ZMAT4: variants seen among roughly 807,000 people sequenced by gnomAD.
ZMAT4 encodes the protein zinc finger matrin-type 4, also known as zinc finger matrin-type protein 4.
In ZMAT4, 17 loss-of-function variants were observed where a neutral mutation model predicts 28.7. That is an observed-to-expected ratio of 0.59 (90% CI 0.41 to 0.89). The LOEUF is 0.89. Ranked by LOEUF, ZMAT4 falls within the 40% of genes least tolerant of loss-of-function variation. ZMAT4 has a pLI of 0.00. For missense variants in ZMAT4, 240 were observed against 283.8 expected (o/e 0.85, Z 1.11); for synonymous variants, 117 against 109.2 (o/e 1.07, Z -0.44).
At chr8:40,862,584 T>TAAA (rs398007582) in intron 1 of ZMAT4, among the ~76,000 whole-genome samples, 54 of 109,928 alleles carry the variant, frequency 4.9e-4, no homozygotes, top group African/African-American at 8.4e-4. Flanking sequence ...AAAAAAAAAT[T>TAAA]AAAAAAAAAA....
intron 2 of ZMAT4, among the ~76,000 whole-genome samples, chr8:40,823,338 A>T (rs181831809): frequency 6.6e-6 from 1 of 152,252 alleles, no homozygotes; most frequent in African/African-American, 2.4e-5. Flanking sequence ...AAATTCCCCC[A>T]TTTCCTTAAC....
At chr8:40,740,673 A>C (rs1306334749) in intron 3 of ZMAT4, among the ~76,000 whole-genome samples, 1 of 152,206 alleles carries the variant, frequency 6.6e-6, no homozygotes, top group African/African-American at 2.4e-5. Flanking sequence ...TGGTGCATAT[A>C]AAGATGCAAT....
At chr8:40,569,205 G>A (rs1804017088) in intron 6 of ZMAT4, among the ~76,000 whole-genome samples, 1 of 152,092 alleles carries the variant, frequency 6.6e-6, no homozygotes, top group Non-Finnish European at 1.5e-5. Flanking sequence ...AACTGATTCA[G>A]GAACACAATC....
chr8:40,874,061 ACACACACTCAAG>A (rs1817953434), intron 1 of ZMAT4, among the ~76,000 whole-genome samples: 2 of 152,326 alleles, frequency 1.3e-5, no homozygotes, highest in South Asian at 4.1e-4. Context: ...TCCGCCAGGA[ACACACACTCAAG>A]CACACACTCA....
chr8:40,643,425 A>G (rs1437703319), intron 5 of ZMAT4, among the ~76,000 whole-genome samples: 2 of 152,232 alleles, frequency 1.3e-5, no homozygotes, highest in Admixed American at 1.3e-4. Flanking sequence ...TGACCAGTAC[A>G]TCCTGAAGCT....
At chr8:40,876,604 T>C (rs1259384598) in intron 1 of ZMAT4, among the ~76,000 whole-genome samples, 7 of 152,356 alleles carry the variant, frequency 4.6e-5, no homozygotes, top group Non-Finnish European at 1.0e-4. Context: ...CATGAGCCAC[T>C]GCACCCGGCC....
At chr8:40,700,208 A>C (rs1810073013) in intron 3 of ZMAT4, among the ~76,000 whole-genome samples, 1 of 152,006 alleles carries the variant, frequency 6.6e-6, no homozygotes, top group Non-Finnish European at 1.5e-5. Context: ...AAAGAACTAG[A>C]GTCTCATATT....
intron 6 of ZMAT4, among the ~76,000 whole-genome samples, chr8:40,541,257 G>A (rs991186677): frequency 2.0e-5 from 3 of 152,068 alleles, no homozygotes; most frequent in Admixed American, 1.3e-4. Flanking sequence ...CAGAGACAGG[G>A]GACTGAAGTC....
At chr8:40,582,311 A>G (rs1031382) in intron 5 of ZMAT4, among the ~76,000 whole-genome samples, 149,589 of 152,226 alleles carry the variant, frequency 0.98, 73,567 homozygotes, top group Middle Eastern at 1. Context: ...GACCAACCTG[A>G]GCCACATGGC....
At chr8:40,686,254 C>G (rs1259502677) in intron 4 of ZMAT4, among the ~76,000 whole-genome samples, 4 of 151,994 alleles carry the variant, frequency 2.6e-5, no homozygotes, top group Non-Finnish European at 5.9e-5. Context: ...ATGGCTCACA[C>G]CTGTAATCCC....
At chr8:40,608,748 A>T (rs1805691081) in intron 5 of ZMAT4, among the ~76,000 whole-genome samples, 1 of 152,192 alleles carries the variant, frequency 6.6e-6, no homozygotes, top group South Asian at 2.1e-4. Flanking sequence ...GAGAGTGCCC[A>T]CAGCGTTCTT....
intron 1 of ZMAT4, among the ~76,000 whole-genome samples, chr8:40,835,422 C>T (rs1816442352): frequency 6.6e-6 from 1 of 152,200 alleles, no homozygotes; most frequent in Non-Finnish European, 1.5e-5. Flanking sequence ...GGAGAAAAGC[C>T]TACGTGGGTC....
At position 40,694,500 on chromosome 8, in the gene ZMAT4, G is replaced by A. The variant is rs1585890405; in HGVS notation, c.349+2745C>T. Among the ~76,000 whole-genome samples the A allele has an allele frequency of 2.6e-5, 4 of 152,054 alleles. No individual in the cohort carries two copies. The East Asian group carries it at 7.7e-4, about 29-fold the overall frequency. On this transcript the variant is annotated intron_variant, in intron 4 of 6. Transcript: ENST00000297737. ...ACTGCAGCAGGCCTTGCTACCATCTGCCAGGCTTTCCCAACACCGGCACAC... is the reference window on the plus strand; with the variant it reads ...ACTGCAGCAGGCCTTGCTACCATCTACCAGGCTTTCCCAACACCGGCACAC...
intron 1 of ZMAT4, among the ~76,000 whole-genome samples, chr8:40,834,179 G>T (rs901207746): frequency 3.3e-5 from 5 of 152,232 alleles, no homozygotes; most frequent in Non-Finnish European, 7.3e-5. Flanking sequence ...AGAGCTGTCA[G>T]TCTCACATGG....
At chr8:40,637,212 G>A (rs1030840090) in intron 5 of ZMAT4, among the ~76,000 whole-genome samples, 1 of 151,980 alleles carries the variant, frequency 6.6e-6, no homozygotes, top group African/African-American at 2.4e-5. Context: ...GAAGTGGTCC[G>A]AGGGAATGCC....
intron 5 of ZMAT4, among the ~76,000 whole-genome samples, chr8:40,613,342 C>T (rs976917204): frequency 2.0e-5 from 3 of 151,252 alleles, no homozygotes; most frequent in Non-Finnish European, 4.4e-5. Flanking sequence ...GCCACCATGC[C>T]CGGCTAATAT....
chr8:40,556,154 C>T (rs1803527804), intron 6 of ZMAT4, among the ~76,000 whole-genome samples: 1 of 152,066 alleles, frequency 6.6e-6, no homozygotes, highest in Non-Finnish European at 1.5e-5. Flanking sequence ...TCTCTCCTTA[C>T]CCTATATCCT....
chr8:40,570,079 G>A (rs1280625391), intron 6 of ZMAT4, among the ~76,000 whole-genome samples: 1 of 152,154 alleles, frequency 6.6e-6, no homozygotes, highest in Non-Finnish European at 1.5e-5. Context: ...AATGACACGT[G>A]TAATTAATGT....
intron 1 of ZMAT4, among the ~76,000 whole-genome samples, chr8:40,850,419 C>T (rs1411898441): frequency 6.6e-6 from 1 of 152,150 alleles, no homozygotes; most frequent in East Asian, 1.9e-4. Context: ...CCCCTGCCAA[C>T]ATCATTCTAC....
Sources: gnomAD v4.1 joint callset for allele counts (sites outside exome capture counted in the v4.1 genomes callset) on GRCh38, gnomAD v4.1.1 for gene constraint, MANE v1.5 for transcripts, NCBI Gene and HGNC (gene_info 2026-07-23, HGNC 2026-07-21) for gene names.